Variants in RNF4 observed in about 807,000 individuals in gnomAD.
RNF4 encodes the protein ring finger protein 4, also known as E3 ubiquitin-protein ligase RNF4.
A neutral mutation model predicts 24.3 loss-of-function variants in RNF4; 7 were observed. The observed-to-expected ratio is 0.29, with a 90% CI of 0.16 to 0.54. The LOEUF (loss-of-function observed/expected upper bound fraction) is 0.54, where lower values mean the gene tolerates loss of function less well. Among genes scored for constraint, RNF4 ranks in the 20% least tolerant of loss-of-function variants. RNF4 has a pLI of 0.95. For missense variants in RNF4, 209 were observed against 248.5 expected, an observed-to-expected ratio of 0.84 and a Z score of 1.07; for synonymous variants, 83 against 84.3, an observed-to-expected ratio of 0.98 and a Z score of 0.09.
At chr4:2,483,663 G>A (rs944510629) in intron 1 of RNF4, among the ~76,000 whole-genome samples, 7 of 152,004 alleles carry the variant, frequency 4.6e-5, no homozygotes, top group Admixed American at 1.3e-4. Flanking sequence ...AATTAGCCGG[G>A]CATGGTGGTG....
chr4:2,488,741 A>C (rs891993302), intron 1 of RNF4, among the ~76,000 whole-genome samples: 1 of 152,248 alleles, frequency 6.6e-6, no homozygotes, highest in Non-Finnish European at 1.5e-5. Flanking sequence ...GAAATGGGGC[A>C]CAGAGAAGTT....
chr4:2,487,796 T>C (rs1173038811), intron 1 of RNF4, among the ~76,000 whole-genome samples: 4 of 152,210 alleles, frequency 2.6e-5, no homozygotes, highest in African/African-American at 4.8e-5. Context: ...AGTCACCCTT[T>C]ATTAGAGTGA....
intron 3 of RNF4, among the ~76,000 whole-genome samples, chr4:2,500,200 T>C (rs1735867729): frequency 6.7e-6 from 1 of 149,156 alleles, no homozygotes; most frequent in Admixed American, 6.7e-5. Flanking sequence ...GATTAACCGA[T>C]GAAGTTACTA....
intron 1 of RNF4, among the ~76,000 whole-genome samples, chr4:2,477,377 G>C (rs1372015371): frequency 6.6e-6 from 1 of 151,998 alleles, no homozygotes; most frequent in African/African-American, 2.4e-5. Context: ...ACGAGGTTAG[G>C]AGTTCAAGAT....
intron 1 of RNF4, among the ~76,000 whole-genome samples, chr4:2,476,341 C>G (rs1398221324): frequency 6.6e-6 from 1 of 152,148 alleles, no homozygotes; most frequent in Non-Finnish European, 1.5e-5. Context: ...TTGAAAATGC[C>G]TCAGGTAGAA....
intron 3 of RNF4, among the ~76,000 whole-genome samples, chr4:2,498,973 G>C (rs1735825178): frequency 6.6e-6 from 1 of 152,190 alleles, no homozygotes; most frequent in African/African-American, 2.4e-5. Flanking sequence ...GAGGCGTGCA[G>C]ATCACCTGAG....
intron 1 of RNF4, among the ~76,000 whole-genome samples, chr4:2,481,573 C>G (rs1382539120): frequency 1.3e-5 from 2 of 152,116 alleles, no homozygotes; most frequent in Non-Finnish European, 2.9e-5. Context: ...TTAGCATTAC[C>G]TTGTGGCGCT....
chr4:2,486,345 A>G (rs1032681838), intron 1 of RNF4, among the ~76,000 whole-genome samples: 3 of 152,098 alleles, frequency 2.0e-5, no homozygotes, highest in Non-Finnish European at 4.4e-5. Context: ...CATGACCGCT[A>G]AGGTCTCCAT....
chr4:2,511,857 A>T, intron 4 of RNF4, 99 bp from the exon 5 acceptor site: 1 of 1,233,754 alleles, frequency 8.1e-7, no homozygotes, highest in Non-Finnish European at 1.2e-6. Flanking sequence ...AGGGTTCCAC[A>T]GAGGGTGTCA....
At chr4:2,478,635 A>T (rs911524053) in intron 1 of RNF4, among the ~76,000 whole-genome samples, 1 of 152,252 alleles carries the variant, frequency 6.6e-6, no homozygotes, top group Non-Finnish European at 1.5e-5. Flanking sequence ...CAGCTTCCAC[A>T]TGGTGTTGAG....
intron 4 of RNF4, among the ~76,000 whole-genome samples, chr4:2,504,546 T>G (rs1736010887): frequency 6.7e-6 from 1 of 149,328 alleles, no homozygotes; most frequent in South Asian, 2.1e-4. Context: ...ATTTATTTAT[T>G]TATTTATTTA....
chr4:2,486,378 C>T (rs1032515309), intron 1 of RNF4, among the ~76,000 whole-genome samples: 8 of 152,146 alleles, frequency 5.3e-5, no homozygotes, highest in South Asian at 2.1e-4. Flanking sequence ...TCTACGTCCC[C>T]ACCACGCTGG....
At chr4:2,496,624 C>G (rs908578465) in intron 2 of RNF4, among the ~76,000 whole-genome samples, 2 of 152,250 alleles carry the variant, frequency 1.3e-5, no homozygotes, top group Admixed American at 6.5e-5. Flanking sequence ...CCACGCCCAG[C>G]TAACTTTTGT....
intron 2 of RNF4, among the ~76,000 whole-genome samples, chr4:2,494,129 T>C (rs1735663260): frequency 6.6e-6 from 1 of 152,228 alleles, no homozygotes; most frequent in South Asian, 2.1e-4. Flanking sequence ...TTTGAAATGC[T>C]TGTTTTCTGG....
chr4:2,502,620 C>G, intron 4 of RNF4, among the ~76,000 whole-genome samples: 1 of 150,488 alleles, frequency 6.6e-6, no homozygotes, highest in South Asian at 2.1e-4. Context: ...TGCAGTGAGC[C>G]GAGATCACGT....
At chr4:2,475,424 C>T (rs1055759708) in intron 1 of RNF4, among the ~76,000 whole-genome samples, 2 of 152,122 alleles carry the variant, frequency 1.3e-5, no homozygotes, top group Non-Finnish European at 2.9e-5. Context: ...TTGCAAGCTC[C>T]GCCTCCCAGG....
At chr4:2,484,078 CTCG>C (rs1735331535) in intron 1 of RNF4, among the ~76,000 whole-genome samples, 3 of 77,538 alleles carry the variant, frequency 3.9e-5, no homozygotes, top group Non-Finnish European at 9.5e-5. Flanking sequence ...CCCCCCCCGC[CTCG>C]GCCTCCCAAA....
chr4:2,472,415 C>CATG (rs1037617262), intron 1 of RNF4, among the ~76,000 whole-genome samples: 3 of 152,106 alleles, frequency 2.0e-5, no homozygotes, highest in Non-Finnish European at 4.4e-5. Context: ...TTCTGCAGCC[C>CATG]ATGGATCAAG....
intron 2 of RNF4, among the ~76,000 whole-genome samples, chr4:2,496,093 T>C (rs1014128971): frequency 1.3e-5 from 2 of 152,326 alleles, no homozygotes; most frequent in East Asian, 3.9e-4. Context: ...GCCTGAACTT[T>C]CCGGAAGACA....
Sources: allele counts gnomAD v4.1 joint callset (sites outside exome capture counted in the v4.1 genomes callset), GRCh38; gene constraint gnomAD v4.1.1; transcripts MANE v1.5; gene names NCBI Gene and HGNC (gene_info 2026-07-23, HGNC 2026-07-21).